Variants in CCDC180 observed in about 807,000 individuals in gnomAD.
The protein encoded by CCDC180 is coiled-coil domain-containing protein 180.
CCDC180 carries 154 observed loss-of-function variants against 209.2 expected under a neutral mutation model. The observed-to-expected ratio is 0.74, with a 90% CI of 0.65 to 0.84. The LOEUF (loss-of-function observed/expected upper bound fraction) is 0.84, where lower values mean the gene tolerates loss of function less well. CCDC180 is among the 40% of genes least tolerant of loss of function. The pLI, the probability that CCDC180 is intolerant of heterozygous loss-of-function variation, is 0.00. For synonymous variants in CCDC180, 778 were observed against 749.1 expected, an observed-to-expected ratio of 1.04 and a Z score of -0.63; for missense variants, 1,874 against 1,997.3, an observed-to-expected ratio of 0.94 and a Z score of 1.18.
intron 18 of CCDC180, among the ~76,000 whole-genome samples, chr9:97,341,263 C>A (rs1295072825): frequency 6.6e-6 from 1 of 152,136 alleles, no homozygotes; most frequent in East Asian, 1.9e-4. Flanking sequence ...GGTAGTGGTC[C>A]CCTGGGCCCA....
rs981187604 is a variant in CCDC180, at chr9:97,308,203, C to T, written c.69+71C>T. 19 of 1,368,218 alleles carry T rather than the reference C, an allele frequency of 1.4e-5. No individual in the cohort carries two copies. The African/African-American group carries it at 2.3e-4, about 17-fold the overall frequency. The allele number at this position is 1,368,218 out of a possible 1,614,324, so 84.8% of individuals were successfully genotyped here. A position where few individuals can be genotyped will look rare whatever the true frequency, so the allele number is the denominator to read the frequency against. ...GCTTTCTTCCAAACTTCCCTCCCTC[C>T]CAGGGCTTCCCTACTGGAAATTGAA... On this transcript the variant is annotated intron_variant, in intron 2 of 36. Coordinates refer to ENST00000529487, the MANE Select transcript of CCDC180 (RefSeq NM_020893.6).
chr9:97,347,384 G>A lies in CCDC180; in HGVS notation c.2569G>A (p.Val857Met), dbSNP rs564265351. 48 of 1,536,130 alleles carry A rather than the reference G, an allele frequency of 3.1e-5. No individual in the cohort carries two copies. The South Asian group carries it at 3.7e-4, about 12-fold the overall frequency. The change falls in exon 20 of 37, where the codon GTG (valine) becomes ATG (methionine). Residue 857 changes from valine (V) to methionine (M), a missense_variant. Transcript: ENST00000529487. Reference sequence around the variant, plus strand: ...GTGTTCCCTCAACACCCGGGTCACCGTGGCCACCAAAATCAATGAGCTGGA... The same window carrying A: ...GTGTTCCCTCAACACCCGGGTCACCATGGCCACCAAAATCAATGAGCTGGA... ...DQCSLNTRVT[V>M]ATKINELDSE... is the part of the protein sequence containing the mutation.
chr9:97,374,698 G>T, intron 35 of CCDC180, 50 bp downstream of exon 35: 1 of 1,455,712 alleles, frequency 6.9e-7, no homozygotes, highest in East Asian at 2.3e-5. Flanking sequence ...TATCTGCTGG[G>T]GGTGGTGCAG....
rs755074935 is a variant in CCDC180, at chr9:97,362,177, C to A, written c.3657-19C>A. On this transcript the variant is annotated intron_variant, in intron 27 of 36. Coordinates refer to ENST00000529487, the MANE Select transcript of CCDC180 (RefSeq NM_020893.6). The stretch of plus-strand genomic sequence containing the variant: ...CATGGTCACCGGAGAAGAGCTCACA[C>A]CCTTTCCTTTGGTTTCAGACTTCCC... The A allele has an allele frequency of 6.2e-7, 1 of 1,605,642 alleles. No individual in the cohort carries two copies. Among genetic ancestry groups the A allele is most frequent in the African/African-American group, 1.3e-5 (1 of 74,836 alleles).
chr9:97,324,280 G>A (rs1833454455), intron 13 of CCDC180, among the ~76,000 whole-genome samples: 1 of 152,166 alleles, frequency 6.6e-6, no homozygotes, highest in Non-Finnish European at 1.5e-5. Flanking sequence ...AGGCTCTGTG[G>A]GCCATCAGGT....
chr9:97,311,994 G>A (rs1833002407), intron 3 of CCDC180, 119 bp from the exon 4 acceptor site: 2 of 812,514 alleles, frequency 2.5e-6, no homozygotes, highest in Non-Finnish European at 4.2e-6. Flanking sequence ...GGGTGTGCCT[G>A]GTCCATTGCT....
chr9:97,343,236 G>T (rs377513794), intron 18 of CCDC180, 104 bp from the exon 19 acceptor site: 1 of 685,034 alleles, frequency 1.5e-6, no homozygotes, highest in South Asian at 2.1e-5. Flanking sequence ...CATAATCTTG[G>T]CCCAAAATTT....
At chr9:97,324,330 A>AG (rs1281171826) in intron 13 of CCDC180, among the ~76,000 whole-genome samples, 1 of 152,224 alleles carries the variant, frequency 6.6e-6, no homozygotes, top group Non-Finnish European at 1.5e-5. Flanking sequence ...GCCACACAAA[A>AG]GCAGCCCTAG....
chr9:97,315,250 C>T (rs1226316197), intron 8 of CCDC180, among the ~76,000 whole-genome samples: 1 of 152,164 alleles, frequency 6.6e-6, no homozygotes, highest in Admixed American at 6.5e-5. Flanking sequence ...TGAGCACCTA[C>T]TAGGTCATGT....
At chr9:97,350,602 A>G (rs1041686237) in intron 22 of CCDC180, 47 bp downstream of exon 22, 16 of 1,522,488 alleles carry the variant, frequency 1.1e-5, no homozygotes, top group African/African-American at 9.6e-5. Flanking sequence ...GAGTTTCTCT[A>G]TTGGGATGTG....
intron 25 of CCDC180, among the ~76,000 whole-genome samples, chr9:97,358,846 A>G (rs921562148): frequency 6.6e-6 from 1 of 151,966 alleles, no homozygotes; most frequent in African/African-American, 2.4e-5. Flanking sequence ...TCTTTTCTCT[A>G]CCATTTCAGT....
chr9:97,359,831 TC>T, intron 25 of CCDC180, 150 bp from the exon 26 acceptor site: 1 of 983,192 alleles, frequency 1.0e-6, no homozygotes, highest in Non-Finnish European at 1.5e-6. Context: ...CCTTCCCCAC[TC>T]CCCAAGGGCC....
intron 31 of CCDC180, among the ~76,000 whole-genome samples, chr9:97,368,850 A>T (rs1164973851): frequency 6.6e-6 from 1 of 152,198 alleles, no homozygotes; most frequent in Non-Finnish European, 1.5e-5. Flanking sequence ...GAGCAACAAA[A>T]TCCCCATAAA....
At chr9:97,369,624 A>G (rs1827020909) in intron 31 of CCDC180, 1 of 234,528 alleles carries the variant, frequency 4.3e-6, no homozygotes, top group Admixed American at 5.2e-5. Context: ...ATGTTTAAAT[A>G]TTTTTTTAGA....
At position 97,375,474 on chromosome 9, in the gene CCDC180, C is replaced by G; in HGVS notation, c.4727C>G (p.Pro1576Arg). 3 of 1,614,194 alleles carry G rather than the reference C, an allele frequency of 1.9e-6. No individual in the cohort carries two copies. The highest frequency in any genetic ancestry group is 2.5e-6 in the Non-Finnish European group (3 of 1,180,040). ...TGTAGGAAGTGGCCAGGGATCAAAC[C>G]CACCGAAGTCACCATCCAAAACAAG... ...RGSRKWPGIKPTEVTIQNKIL... is the reference protein window; with the variant it reads ...RGSRKWPGIKRTEVTIQNKIL... Residue 1576 changes from proline to arginine, a missense_variant, in exon 36 of 37, where the codon CCC (proline) becomes CGC (arginine). Coordinates refer to ENST00000529487, the MANE Select transcript of CCDC180 (RefSeq NM_020893.6).
chr9:97,346,025 A>G (rs1826253906), intron 19 of CCDC180, among the ~76,000 whole-genome samples: 2 of 152,192 alleles, frequency 1.3e-5, no homozygotes, highest in Admixed American at 1.3e-4. Context: ...TCTAAAATCC[A>G]CCTGGAACTG....
Position 97,317,069 on chromosome 9 carries a change from T to C in CCDC180, c.800T>C (p.Met267Thr), listed in dbSNP as rs1469218818. The C allele has an allele frequency of 4.3e-6, 7 of 1,611,044 alleles. No homozygotes were observed. The highest frequency in any genetic ancestry group is 1.7e-4 in the Middle Eastern group (1 of 6,054). The change falls in exon 9 of 37, where the codon ATG becomes ACG. Residue 267 changes from methionine to threonine, a missense_variant. By Grantham distance (81) the Met-to-Thr change is moderately conservative. Transcript: ENST00000529487. ...YRLINEEAMV[M>T]NYALLGNRKA... is the part of the protein sequence containing the mutation. ...CCTGCCCATCTGTGACCACAGGTCA[T>C]GAACTATGCCCTGCTGGGCAACCGG...
chr9:97,369,093 T>G (rs1318635298), intron 31 of CCDC180, among the ~76,000 whole-genome samples: 1 of 152,216 alleles, frequency 6.6e-6, no homozygotes, highest in Non-Finnish European at 1.5e-5. Flanking sequence ...TTTAAAACTA[T>G]GCATGACTTT....
intron 4 of CCDC180, among the ~76,000 whole-genome samples, chr9:97,312,916 A>G (rs1313410017): frequency 9.5e-6 from 1 of 104,854 alleles, no homozygotes; most frequent in African/African-American, 4.0e-5. Context: ...CTGAGTTTGA[A>G]CAATACCTAC....
Sources: allele counts gnomAD v4.1 joint callset (sites outside exome capture counted in the v4.1 genomes callset), GRCh38; gene constraint gnomAD v4.1.1; transcripts MANE v1.5; gene names NCBI Gene and HGNC (gene_info 2026-07-23, HGNC 2026-07-21).